The following MYO1E variants were observed in gnomAD, a reference collection of about 807,000 sequenced individuals.
The protein encoded by MYO1E is myosin IE, also known as unconventional myosin-Ie.
A neutral mutation model predicts 151.1 loss-of-function variants in MYO1E; 68 were observed. The observed-to-expected ratio is 0.45, with a 90% CI of 0.37 to 0.55. The LOEUF (loss-of-function observed/expected upper bound fraction) is 0.55. Ranked by LOEUF, MYO1E falls within the 20% of genes least tolerant of loss-of-function variation. The pLI is 0.00. For missense variants in MYO1E, 1,363 were observed against 1,389.3 expected (o/e 0.98, Z 0.30); for synonymous variants, 601 against 501.7 (o/e 1.20, Z -2.64).
Position 59,227,565 on chromosome 15 carries a change from C to A in MYO1E, c.536G>T (p.Ser179Ile). 1 of 1,614,194 alleles carries A rather than the reference C, an allele frequency of 6.2e-7. No individual in the cohort carries two copies. The highest frequency in any genetic ancestry group is 8.5e-7 in the Non-Finnish European group (1 of 1,180,020). ...RFGKYFEIQF[S>I]PGGEPDGGKI... is the part of the protein sequence containing the mutation. ...TCCACCATCTGGTTCCCCACCTGGA[C>A]TGAACTGGATTTCAAAGTATTTTCC... Residue 179 changes from serine to isoleucine, a missense_variant, in exon 7 of 28, where the codon AGT becomes ATT. Transcript: ENST00000288235.
At chr15:59,274,513 C>G (rs969516952) in intron 1 of MYO1E, among the ~76,000 whole-genome samples, 3 of 152,160 alleles carry the variant, frequency 2.0e-5, no homozygotes, top group Non-Finnish European at 4.4e-5. Context: ...CCAGAGTAAC[C>G]AACCTGCAGA....
At chr15:59,290,210 G>T (rs565457370) in intron 1 of MYO1E, among the ~76,000 whole-genome samples, 2 of 152,290 alleles carry the variant, frequency 1.3e-5, no homozygotes, top group South Asian at 4.1e-4. Flanking sequence ...TTCTATTAAG[G>T]CTACGGTAGA....
intron 1 of MYO1E, among the ~76,000 whole-genome samples, chr15:59,296,155 G>C (rs1166293316): frequency 6.6e-6 from 1 of 152,194 alleles, no homozygotes; most frequent in African/African-American, 2.4e-5. Context: ...GCATAGAAAA[G>C]CAAGAGACAT....
At chr15:59,152,084 C>T (rs1210081096) in intron 26 of MYO1E, among the ~76,000 whole-genome samples, 1 of 151,612 alleles carries the variant, frequency 6.6e-6, no homozygotes, top group Non-Finnish European at 1.5e-5. Context: ...AAAAAATTAG[C>T]TGGGTGTGGT....
At chr15:59,340,478 T>C (rs780145224) in intron 1 of MYO1E, among the ~76,000 whole-genome samples, 3 of 152,040 alleles carry the variant, frequency 2.0e-5, no homozygotes, top group African/African-American at 7.2e-5. Context: ...AGGAGGAAAA[T>C]TGTCAGGAAA....
chr15:59,319,443 A>C (rs996463769), intron 1 of MYO1E, among the ~76,000 whole-genome samples: 12 of 151,592 alleles, frequency 7.9e-5, no homozygotes, highest in African/African-American at 2.9e-4. Flanking sequence ...TGACATTTCT[A>C]GTAAGTTTAG....
intron 18 of MYO1E, among the ~76,000 whole-genome samples, chr15:59,178,782 C>G (rs568537342): frequency 6.6e-6 from 1 of 152,302 alleles, no homozygotes; most frequent in African/African-American, 2.4e-5. Context: ...ACGTCAACAC[C>G]CTGGTGAAAA....
At chr15:59,306,211 A>G (rs2080513843) in intron 1 of MYO1E, among the ~76,000 whole-genome samples, 1 of 152,224 alleles carries the variant, frequency 6.6e-6, no homozygotes, top group Non-Finnish European at 1.5e-5. Flanking sequence ...AGAATCCAAA[A>G]TAAGGGAAAA....
At chr15:59,322,372 T>C (rs2140417556) in intron 1 of MYO1E, among the ~76,000 whole-genome samples, 1 of 152,286 alleles carries the variant, frequency 6.6e-6, no homozygotes, top group Non-Finnish European at 1.5e-5. Flanking sequence ...ACTGTCACCA[T>C]GAAACTGTAT....
At chr15:59,363,167 C>T (rs1201044928) in intron 1 of MYO1E, among the ~76,000 whole-genome samples, 5 of 151,930 alleles carry the variant, frequency 3.3e-5, no homozygotes, top group Non-Finnish European at 7.4e-5. Context: ...TTAGTAGAGA[C>T]GGGGTTTCAC....
chr15:59,209,321 C>A (rs2079861716), intron 13 of MYO1E, among the ~76,000 whole-genome samples: 1 of 152,194 alleles, frequency 6.6e-6, no homozygotes, highest in Non-Finnish European at 1.5e-5. Flanking sequence ...TTTACACATT[C>A]TTCACACTTA....
rs1168143703 is a variant in MYO1E, at chr15:59,230,856, TG to T, written c.510+845del. Among the ~76,000 whole-genome samples, 100 of 152,348 alleles carry T rather than the reference TG, an allele frequency of 6.6e-4. 1 individual carries two copies. The highest frequency in any genetic ancestry group is 2.4e-3 in the African/African-American group (99 of 41,586). On this transcript the variant is annotated intron_variant, in intron 6 of 27. Transcript: ENST00000288235. ...AACGTTCCAGAATCAGCCTCACAGATGGCTCCGTGAATGCTTTAGTGCCAGA... is the reference window on the plus strand; with the variant it reads ...AACGTTCCAGAATCAGCCTCACAGATGCTCCGTGAATGCTTTAGTGCCAGA...
chr15:59,217,826 C>T, intron 10 of MYO1E, 65 bp downstream of exon 10: 2 of 1,572,950 alleles, frequency 1.3e-6, no homozygotes, highest in Non-Finnish European at 8.7e-7. Flanking sequence ...CCGCACCCAG[C>T]CTACTAGTTT....
In MYO1E at chr15:59,134,703, CTG is replaced by C. The variant is rs1464854245; in HGVS notation, c.*2675_*2676del. The C allele has an allele frequency of 6.6e-6, 1 of 152,216 alleles. No individual in the cohort carries two copies. Among genetic ancestry groups the C allele is most frequent in the Non-Finnish European group, 1.5e-5 (1 of 68,042 alleles). The allele number at this position is 152,216 out of a possible 1,614,324, so 9.4% of individuals were successfully genotyped here. The stretch of plus-strand genomic sequence containing the variant: ...GTGTTTGATACTGCTATACACGTTG[CTG>C]TGTGTGCACATGAACACCCCTTATT... On this transcript the variant is annotated 3_prime_UTR_variant, in exon 28 of 28. Coordinates refer to ENST00000288235, the MANE Select transcript of MYO1E (RefSeq NM_004998.4).
In MYO1E at chr15:59,337,488, T is replaced by G. The variant is rs1333344514; in HGVS notation, c.3+35010A>C. 2.0e-5 allele frequency among the ~76,000 whole-genome samples: 3 copies of G among 152,246 alleles called. No individual in the cohort carries two copies. In the East Asian group the frequency reaches 5.8e-4, roughly 29 times the overall value. ...TCGCATTTGGCAGAAAATAGAGCTTTAGCCTACATTATGAAACTTAAAAGA... is the reference window on the plus strand; with the variant it reads ...TCGCATTTGGCAGAAAATAGAGCTTGAGCCTACATTATGAAACTTAAAAGA... On this transcript the variant is annotated intron_variant, in intron 1 of 27. Coordinates refer to ENST00000288235, the MANE Select transcript of MYO1E (RefSeq NM_004998.4).
Position 59,171,982 on chromosome 15 carries a change from C to G in MYO1E, c.2395G>C (p.Val799Leu). 1 of 1,614,238 alleles carries G rather than the reference C, an allele frequency of 6.2e-7. No homozygotes were observed. Among genetic ancestry groups the G allele is most frequent in the Non-Finnish European group, 8.5e-7 (1 of 1,180,036 alleles). The stretch of plus-strand genomic sequence containing the variant: ...AGGCCCTTGTCTGGGCCCTGTTTGA[C>G]TTTTTCTCGTCCGATTAAGTACAAG... ...KCLYLIGREK[V>L]KQGPDKGLVK... The change falls in exon 22 of 28, where the codon GTC (valine) becomes CTC (leucine). Residue 799 changes from valine (V) to leucine (L), a missense_variant. By Grantham distance (32) the Val-to-Leu change is conservative. Coordinates refer to ENST00000288235, the MANE Select transcript of MYO1E (RefSeq NM_004998.4).
chr15:59,223,050 G>A lies in MYO1E; in HGVS notation c.910+9C>T, dbSNP rs750779990. 6.2e-7 allele frequency: 1 copy of A among 1,613,676 alleles called. No homozygotes were observed. Among genetic ancestry groups the A allele is most frequent in the Non-Finnish European group, 8.5e-7 (1 of 1,179,996 alleles). ...CCTCATTCAATGGCCACATGCCAGG[G>A]CTACGCACACTCTTCACTCTCCACA... On this transcript the variant is annotated intron_variant, in intron 9 of 27. Coordinates refer to ENST00000288235, the MANE Select transcript of MYO1E (RefSeq NM_004998.4).
intron 1 of MYO1E, among the ~76,000 whole-genome samples, chr15:59,338,077 C>T (rs1310188948): frequency 6.6e-6 from 1 of 151,582 alleles, no homozygotes; most frequent in Non-Finnish European, 1.5e-5. Context: ...GTGGTCTTTG[C>T]AGAGTCAGGT....
At chr15:59,206,601 T>C (rs2079835628) in intron 14 of MYO1E, 1 of 270,132 alleles carries the variant, frequency 3.7e-6, no homozygotes, top group East Asian at 8.4e-5. Flanking sequence ...AACAGAAGCA[T>C]GTTTCCTCAG....
Sources: allele counts gnomAD v4.1 joint callset (sites outside exome capture counted in the v4.1 genomes callset), GRCh38; gene constraint gnomAD v4.1.1; transcripts MANE v1.5; gene names NCBI Gene and HGNC (gene_info 2026-07-23, HGNC 2026-07-21).